Variants in FRY observed in about 807,000 individuals in gnomAD.
The protein encoded by FRY is FRY microtubule binding protein.
FRY carries 128 observed loss-of-function variants against 348.4 expected under a neutral mutation model. That is an observed-to-expected ratio of 0.37 (90% CI 0.32 to 0.43). The LOEUF is 0.43. Ranked by LOEUF, FRY falls within the 20% of genes least tolerant of loss-of-function variation. FRY has a pLI of 1.00. For synonymous variants in FRY, 1,370 were observed against 1,374.7 expected, an observed-to-expected ratio of 1.00 and a Z score of 0.08; for missense variants, 2,736 against 3,695.2, an observed-to-expected ratio of 0.74 and a Z score of 6.73.
chr13:32,121,603 A>G (rs1358882331), intron 4 of FRY, among the ~76,000 whole-genome samples: 2 of 151,948 alleles, frequency 1.3e-5, no homozygotes, highest in African/African-American at 4.8e-5. Flanking sequence ...TCTACTCATG[A>G]CCTTAGCCCA....
intron 35 of FRY, among the ~76,000 whole-genome samples, chr13:32,218,418 C>T (rs781312750): frequency 4.6e-5 from 7 of 152,172 alleles, no homozygotes; most frequent in African/African-American, 7.2e-5. Flanking sequence ...CAGTTGCTCA[C>T]GCCTGTAATC....
At chr13:32,115,475 G>A (rs937451341) in intron 3 of FRY, among the ~76,000 whole-genome samples, 7 of 152,050 alleles carry the variant, frequency 4.6e-5, no homozygotes, top group Non-Finnish European at 7.4e-5. Flanking sequence ...ATTTGTATGG[G>A]CTTATGTCCC....
chr13:32,216,796 C>T (rs1181969467), intron 35 of FRY, among the ~76,000 whole-genome samples: 2 of 152,160 alleles, frequency 1.3e-5, no homozygotes, highest in Non-Finnish European at 2.9e-5. Context: ...TGAAACTAAG[C>T]CAATGTCTTA....
At chr13:32,203,873 C>T (rs948519457) in intron 31 of FRY, among the ~76,000 whole-genome samples, 1 of 152,216 alleles carries the variant, frequency 6.6e-6, no homozygotes, top group African/African-American at 2.4e-5. Flanking sequence ...CAGTCCTTCC[C>T]TGCCTCTGCA....
In FRY at chr13:32,224,914, T is replaced by C; in HGVS notation, c.4917-19T>C. On this transcript the variant is annotated intron_variant, in intron 37 of 60. Coordinates refer to ENST00000542859, the MANE Select transcript of FRY (RefSeq NM_023037.3). ...ATCCCCTTCAGAAGTTGCATTAATT[T>C]CATTATTTCATTGATTAGGTGCAAT... The C allele has an allele frequency of 1.4e-6, 2 of 1,405,824 alleles. No individual in the cohort carries two copies. Among genetic ancestry groups the C allele is most frequent in the Non-Finnish European group, 2.0e-6 (2 of 989,532 alleles). 87.1% of individuals were successfully genotyped at this position (1,405,824 alleles called of 1,614,324 possible). A position where few individuals can be genotyped will look rare whatever the true frequency, so the allele number is the denominator to read the frequency against.
At chr13:32,156,463 T>C (rs1269192600) in intron 15 of FRY, among the ~76,000 whole-genome samples, 1 of 152,028 alleles carries the variant, frequency 6.6e-6, no homozygotes, top group Non-Finnish European at 1.5e-5. Context: ...TAGCTGGGCA[T>C]GGTGGTGTAT....
At chr13:32,090,775 T>C (rs972010796) in intron 2 of FRY, among the ~76,000 whole-genome samples, 9 of 152,206 alleles carry the variant, frequency 5.9e-5, no homozygotes, top group Non-Finnish European at 1.2e-4. Flanking sequence ...AAAATGAAGA[T>C]TAACTTTGTA....
intron 46 of FRY, among the ~76,000 whole-genome samples, chr13:32,242,938 T>C (rs985843286): frequency 1.3e-5 from 2 of 152,240 alleles, no homozygotes; most frequent in African/African-American, 4.8e-5. Context: ...TTTATCATGA[T>C]GTCTGTCACA....
Position 32,135,068 on chromosome 13 carries a change from A to T in FRY, c.979-17A>T. On this transcript the variant is annotated splice_polypyrimidine_tract_variant and intron_variant, in intron 9 of 60. Transcript: ENST00000542859. ...ACAATTTTATTAATATAATATTCAC[A>T]TGCATCTCTATTTCAGGCTGTTAAA... 2 of 1,560,460 alleles carry T rather than the reference A, an allele frequency of 1.3e-6. No homozygotes were observed. Among genetic ancestry groups the T allele is most frequent in the South Asian group, 2.2e-5 (2 of 89,930 alleles).
intron 7 of FRY, among the ~76,000 whole-genome samples, chr13:32,131,279 C>T (rs983556480): frequency 1.3e-5 from 2 of 152,192 alleles, no homozygotes; most frequent in Non-Finnish European, 2.9e-5. Flanking sequence ...AAATCACTAA[C>T]CTAGTATGTT....
At chr13:32,281,038 T>G (rs1286884086) in intron 58 of FRY, among the ~76,000 whole-genome samples, 1 of 152,222 alleles carries the variant, frequency 6.6e-6, no homozygotes, top group African/African-American at 2.4e-5. Context: ...GTGCACCTCT[T>G]TCTTTGCTTC....
Position 32,239,674 on chromosome 13 carries a change from G to A in FRY, c.6517-37G>A, listed in dbSNP as rs760882718. The A allele has an allele frequency of 7.1e-7, 1 of 1,402,418 alleles. No homozygotes were observed. The highest frequency in any genetic ancestry group is 1.0e-6 in the Non-Finnish European group (1 of 989,376). 86.9% of individuals were successfully genotyped at this position (1,402,418 alleles called of 1,614,324 possible). On this transcript the variant is annotated intron_variant, in intron 45 of 60. Coordinates refer to ENST00000542859, the MANE Select transcript of FRY (RefSeq NM_023037.3). This position sits in a 1 kb window ranked among gnomAD's most constrained non-coding sequence, Gnocchi z 4.3. ...GCTAACATTTCTTCCTATTCATTGG[G>A]CTATTTTATTCCTAATTGATTTTTT...
intron 48 of FRY, among the ~76,000 whole-genome samples, 155 bp from the exon 49 acceptor site, chr13:32,249,371 C>T (rs535182132): frequency 6.6e-6 from 1 of 152,298 alleles, no homozygotes; most frequent in East Asian, 1.9e-4. Flanking sequence ...ATAATGTGTA[C>T]TTGCATGTTG....
chr13:32,296,849 T>G lies in FRY; in HGVS notation c.*1389T>G, dbSNP rs1357910329. ...GGAAGTTGGCATCAAAACTGTGAGCTTCAACCAATTCTCTGTAATCAACCA... is the reference window on the plus strand; with the variant it reads ...GGAAGTTGGCATCAAAACTGTGAGCGTCAACCAATTCTCTGTAATCAACCA... On this transcript the variant is annotated 3_prime_UTR_variant, in exon 61 of 61. Coordinates refer to ENST00000542859, the MANE Select transcript of FRY (RefSeq NM_023037.3). 2 of 152,202 alleles carry G rather than the reference T, an allele frequency of 1.3e-5. No individual in the cohort carries two copies. The highest frequency in any genetic ancestry group is 2.9e-5 in the Non-Finnish European group (2 of 68,032). 9.4% of individuals were successfully genotyped at this position (152,202 alleles called of 1,614,324 possible).
At chr13:32,212,812 G>A (rs1884759533) in intron 35 of FRY, among the ~76,000 whole-genome samples, 1 of 152,126 alleles carries the variant, frequency 6.6e-6, no homozygotes, top group South Asian at 2.1e-4. Flanking sequence ...GCTTTGTGCT[G>A]TCTTGGTTAA....
chr13:32,103,293 G>T (rs1877284084), intron 3 of FRY, among the ~76,000 whole-genome samples: 2 of 152,204 alleles, frequency 1.3e-5, no homozygotes, highest in African/African-American at 4.8e-5. Context: ...GTGCTGAGGT[G>T]GTCAGAGACC....
At chr13:32,174,054 T>G (rs2138223396) in intron 19 of FRY, among the ~76,000 whole-genome samples, 1 of 152,346 alleles carries the variant, frequency 6.6e-6, no homozygotes, top group East Asian at 1.9e-4. Flanking sequence ...CAATGCCTGC[T>G]AACACCCCAC....
intron 29 of FRY, among the ~76,000 whole-genome samples, chr13:32,195,413 T>A (rs973771994): frequency 6.6e-6 from 1 of 152,200 alleles, no homozygotes; most frequent in African/African-American, 2.4e-5. Context: ...TTTTTTTAAA[T>A]TTTCAGATAT....
chr13:32,235,819 C>T (rs962118089), intron 42 of FRY, among the ~76,000 whole-genome samples: 1 of 152,140 alleles, frequency 6.6e-6, no homozygotes, highest in Non-Finnish European at 1.5e-5. Flanking sequence ...AGCAGAGGGT[C>T]ATGCTTACCC....
Sources: allele counts gnomAD v4.1 joint callset (sites outside exome capture counted in the v4.1 genomes callset), GRCh38; gene constraint gnomAD v4.1.1; non-coding constraint Gnocchi (gnomAD v3.1); transcripts MANE v1.5; gene names NCBI Gene and HGNC (gene_info 2026-07-23, HGNC 2026-07-21).